Variants in RGS7BP observed in about 807,000 individuals in gnomAD.
The protein encoded by RGS7BP is regulator of G protein signaling 7 binding protein, also known as regulator of G protein signaling 7-binding protein.
RGS7BP carries 9 observed loss-of-function variants against 31.3 expected under a neutral mutation model. That is an observed-to-expected ratio of 0.29 (90% CI 0.17 to 0.50). The LOEUF (loss-of-function observed/expected upper bound fraction) is 0.50. Ranked by LOEUF, RGS7BP falls within the 20% of genes least tolerant of loss-of-function variation. The pLI, the probability that RGS7BP is intolerant of heterozygous loss-of-function variation, is 0.98. For missense variants in RGS7BP, 274 were observed against 322.0 expected (o/e 0.85, Z 1.14); for synonymous variants, 115 against 120.1 (o/e 0.96, Z 0.28).
At chr5:64,565,905 T>C (rs1433363348) in intron 2 of RGS7BP, among the ~76,000 whole-genome samples, 1 of 152,146 alleles carries the variant, frequency 6.6e-6, no homozygotes, top group Admixed American at 6.6e-5. Flanking sequence ...TGAAGTGTCA[T>C]TTTTGACAAT....
intron 2 of RGS7BP, among the ~76,000 whole-genome samples, chr5:64,511,892 A>T (rs1748848466): frequency 6.6e-6 from 1 of 152,174 alleles, no homozygotes; most frequent in African/African-American, 2.4e-5. Context: ...TAACTGAGCT[A>T]GGTATGTGAA....
At chr5:64,594,897 T>A (rs770160698) in intron 4 of RGS7BP, 40 bp downstream of exon 4, 1 of 1,602,998 alleles carries the variant, frequency 6.2e-7, no homozygotes, top group East Asian at 2.2e-5. Context: ...CCAATCCTCC[T>A]CCCGTTAATG....
intron 3 of RGS7BP, among the ~76,000 whole-genome samples, chr5:64,577,311 G>T (rs895792797): frequency 1.3e-5 from 2 of 151,792 alleles, no homozygotes; most frequent in African/African-American, 4.8e-5. Flanking sequence ...GCTTGGTGGG[G>T]GGCGCCTGTA....
intron 2 of RGS7BP, among the ~76,000 whole-genome samples, chr5:64,557,278 G>A (rs1367926948): frequency 2.6e-5 from 4 of 152,104 alleles, no homozygotes; most frequent in African/African-American, 4.8e-5. Flanking sequence ...GCTCCCCAAC[G>A]TACCCAAGCA....
chr5:64,556,013 G>C (rs993867088), intron 2 of RGS7BP, among the ~76,000 whole-genome samples: 5 of 152,018 alleles, frequency 3.3e-5, no homozygotes, highest in Non-Finnish European at 5.9e-5. Flanking sequence ...TGCTGCTCTA[G>C]AGAATAGGTG....
rs1743496213 is a variant in RGS7BP at position 64,611,291 on chromosome 5, A to C, written c.*2039A>C. 6.6e-6 allele frequency: 1 copy of C among 152,248 alleles called. No homozygotes were observed. Among genetic ancestry groups the C allele is most frequent in the Non-Finnish European group, 1.5e-5 (1 of 67,892 alleles). The allele number at this position is 152,248 out of a possible 1,614,324, so 9.4% of individuals were successfully genotyped here. A position where few individuals can be genotyped will look rare whatever the true frequency, so the allele number is the denominator to read the frequency against. On this transcript the variant is annotated 3_prime_UTR_variant, in exon 6 of 6. Transcript: ENST00000334025. Reference sequence around the variant, plus strand: ...AGCACCTGCCTCTGCCCTCTCCTATACTTCAACTATATTGAACTCTAGCTT... The same window carrying C: ...AGCACCTGCCTCTGCCCTCTCCTATCCTTCAACTATATTGAACTCTAGCTT...
rs1398892527 is a variant in RGS7BP at position 64,507,803 on chromosome 5, G to A, written c.258G>A (p.Ala86=). The A allele has an allele frequency of 1.2e-6, 2 of 1,613,842 alleles. No individual in the cohort carries two copies. Among genetic ancestry groups the A allele is most frequent in the African/African-American group, 1.3e-5 (1 of 74,856 alleles). ...DVSVSCPSLR[A]EMHKTRTKGC... ...CGGTCAGCTGCCCCTCACTCCGGGC[G>A]GAAATGCACAAGACAAGAACCAAAG... Residue 86 remains alanine (A), a synonymous_variant, in exon 2 of 6, where the codon GCG becomes GCA. Coordinates refer to ENST00000334025, the MANE Select transcript of RGS7BP (RefSeq NM_001029875.3).
At chr5:64,514,049 C>T (rs747547248) in intron 2 of RGS7BP, among the ~76,000 whole-genome samples, 3 of 152,210 alleles carry the variant, frequency 2.0e-5, no homozygotes, top group Non-Finnish European at 2.9e-5. Flanking sequence ...GTATCTGCTC[C>T]ATGCTTCTCC....
At chr5:64,524,635 T>C (rs1749186799) in intron 2 of RGS7BP, among the ~76,000 whole-genome samples, 1 of 152,204 alleles carries the variant, frequency 6.6e-6, no homozygotes, top group South Asian at 2.1e-4. Flanking sequence ...TTGAGGACAA[T>C]TGAATCCCTA....
chr5:64,596,645 C>T (rs1400149341), intron 4 of RGS7BP, among the ~76,000 whole-genome samples: 2 of 152,204 alleles, frequency 1.3e-5, no homozygotes, highest in Admixed American at 1.3e-4. Flanking sequence ...TCCTCTCTCA[C>T]TTGATCAGCA....
At chr5:64,514,043 C>T (rs571034403) in intron 2 of RGS7BP, among the ~76,000 whole-genome samples, 1 of 152,334 alleles carries the variant, frequency 6.6e-6, no homozygotes, top group African/African-American at 2.4e-5. Context: ...GAGGAAGTAT[C>T]TGCTCCATGC....
intron 5 of RGS7BP, 26 bp from the exon 6 acceptor site, chr5:64,609,135 T>G: frequency 2.8e-6 from 4 of 1,447,706 alleles, no homozygotes; most frequent in Non-Finnish European, 3.9e-6. Flanking sequence ...ATACCTCACT[T>G]ATGTGCACAT....
chr5:64,593,270 A>C (rs990046552), intron 3 of RGS7BP, among the ~76,000 whole-genome samples: 1 of 152,236 alleles, frequency 6.6e-6, no homozygotes, highest in South Asian at 2.1e-4. Context: ...TGTTGTTACC[A>C]CATGGGTTAG....
At chr5:64,579,969 T>A (rs1742545203) in intron 3 of RGS7BP, among the ~76,000 whole-genome samples, 1 of 152,204 alleles carries the variant, frequency 6.6e-6, no homozygotes, top group Non-Finnish European at 1.5e-5. Context: ...CTAGGTTTTG[T>A]TCTTTCTTTG....
intron 3 of RGS7BP, among the ~76,000 whole-genome samples, chr5:64,577,546 T>C (rs1742469727): frequency 6.6e-6 from 1 of 152,218 alleles, no homozygotes; most frequent in Admixed American, 6.5e-5. Context: ...TTTTTCCCAG[T>C]ATGTGAATAT....
intron 2 of RGS7BP, among the ~76,000 whole-genome samples, chr5:64,516,376 T>A (rs1304316598): frequency 6.6e-6 from 1 of 152,170 alleles, no homozygotes; most frequent in Non-Finnish European, 1.5e-5. Flanking sequence ...GTCCCTTCTT[T>A]TTTCCCCATT....
intron 3 of RGS7BP, among the ~76,000 whole-genome samples, chr5:64,579,242 T>G (rs1036886922): frequency 4.6e-5 from 7 of 152,014 alleles, no homozygotes; most frequent in Non-Finnish European, 7.4e-5. Flanking sequence ...TAGTAACATG[T>G]AGGCTTGAGA....
chr5:64,595,635 A>G (rs2111960858), intron 4 of RGS7BP, among the ~76,000 whole-genome samples: 1 of 152,306 alleles, frequency 6.6e-6, no homozygotes, highest in East Asian at 1.9e-4. Context: ...TTGCCTTTAC[A>G]CTGATATCTG....
chr5:64,575,429 A>T (rs1742393683), intron 2 of RGS7BP, among the ~76,000 whole-genome samples: 1 of 152,250 alleles, frequency 6.6e-6, no homozygotes, highest in African/African-American at 2.4e-5. Flanking sequence ...AAGGGTTTTT[A>T]ATCTCTTCTT....
Sources: allele counts gnomAD v4.1 joint callset (sites outside exome capture counted in the v4.1 genomes callset), GRCh38; gene constraint gnomAD v4.1.1; transcripts MANE v1.5; gene names NCBI Gene and HGNC (gene_info 2026-07-23, HGNC 2026-07-21).